The following C12orf42 variants were observed in gnomAD, a reference collection of about 807,000 sequenced individuals.
The protein encoded by C12orf42 is uncharacterized protein C12orf42.
In C12orf42, 25 loss-of-function variants were observed where a neutral mutation model predicts 21.6. The observed-to-expected ratio is 1.16, with a 90% CI of 0.84 to 1.62. The LOEUF is 1.62. Ranked by LOEUF, C12orf42 falls within the 40% of genes most tolerant of loss-of-function variation. The pLI, the probability that C12orf42 is intolerant of heterozygous loss-of-function variation, is 0.00. For synonymous variants in C12orf42, 174 were observed against 175.0 expected, an observed-to-expected ratio of 0.99 and a Z score of 0.05; for missense variants, 483 against 459.3, an observed-to-expected ratio of 1.05 and a Z score of -0.47.
intron 2 of C12orf42, among the ~76,000 whole-genome samples, chr12:103,412,611 T>C (rs192807100): frequency 5.3e-5 from 8 of 152,308 alleles, no homozygotes; most frequent in Non-Finnish European, 8.8e-5. Flanking sequence ...AGAGGTTGGC[T>C]TACTACAACT....
the C12orf42 span, among the ~76,000 whole-genome samples, chr12:103,082,499 T>C: frequency 1.3e-5 from 2 of 152,240 alleles, no homozygotes; most frequent in South Asian, 4.1e-4. Flanking sequence ...ATTCATATGC[T>C]CCTTGATTTA....
chr12:103,428,394 T>A (rs951426183), intron 2 of C12orf42, among the ~76,000 whole-genome samples: 1 of 152,092 alleles, frequency 6.6e-6, no homozygotes, highest in Non-Finnish European at 1.5e-5. Flanking sequence ...TCTGGACACA[T>A]ACACCCTCCC....
chr12:103,381,474 G>A (rs2046164510), intron 3 of C12orf42, among the ~76,000 whole-genome samples: 1 of 152,160 alleles, frequency 6.6e-6, no homozygotes. Flanking sequence ...GGAAAAGAAA[G>A]GGGAAAACAT....
chr12:103,329,150 C>A (rs565078744), intron 4 of C12orf42, among the ~76,000 whole-genome samples: 1 of 151,140 alleles, frequency 6.6e-6, no homozygotes, highest in Non-Finnish European at 1.5e-5. Context: ...ATGGCAGGGA[C>A]GCAGGCATGC....
At chr12:103,477,310 T>G (rs747312177) in intron 2 of C12orf42, among the ~76,000 whole-genome samples, 2 of 152,046 alleles carry the variant, frequency 1.3e-5, no homozygotes, top group Non-Finnish European at 1.5e-5. Flanking sequence ...TAAGAATCTC[T>G]CGGTGAAAGT....
upstream of C12orf42, among the ~76,000 whole-genome samples, chr12:103,500,635 C>T (rs1955695419): frequency 6.6e-6 from 1 of 152,226 alleles, no homozygotes; most frequent in Admixed American, 6.5e-5. Context: ...AGATGAGAAT[C>T]AGTGTCACTT....
chr12:103,189,506 A>G, the C12orf42 span, among the ~76,000 whole-genome samples: 1 of 152,210 alleles, frequency 6.6e-6, no homozygotes, highest in African/African-American at 2.4e-5. Flanking sequence ...GGACACAAAA[A>G]CAAGAAAAGA....
chr12:103,467,946 C>T (rs1241473362), intron 2 of C12orf42, among the ~76,000 whole-genome samples: 2 of 152,084 alleles, frequency 1.3e-5, no homozygotes, highest in Non-Finnish European at 2.9e-5. Context: ...AGAAAACAAC[C>T]AAGGAAAGCT....
chr12:103,215,853 GA>G, the C12orf42 span, among the ~76,000 whole-genome samples: 1 of 152,166 alleles, frequency 6.6e-6, no homozygotes, highest in Admixed American at 6.5e-5. Flanking sequence ...GGATGAGAAA[GA>G]AAAACCTGGG....
intron 10 of C12orf42, among the ~76,000 whole-genome samples, chr12:103,243,582 T>C (rs2033859648): frequency 6.6e-6 from 1 of 152,166 alleles, no homozygotes; most frequent in African/African-American, 2.4e-5. Context: ...GAAAGGCATA[T>C]TAATATTATA....
chr12:103,149,642 C>T, the C12orf42 span, among the ~76,000 whole-genome samples: 44,858 of 151,740 alleles, frequency 0.3, 6,979 homozygotes, highest in East Asian at 0.4. Context: ...GTTTTATAAG[C>T]ATCTGGCATT....
At chr12:103,220,814 G>A in the C12orf42 span, among the ~76,000 whole-genome samples, 1 of 152,218 alleles carries the variant, frequency 6.6e-6, no homozygotes, top group Non-Finnish European at 1.5e-5. Flanking sequence ...GAAGCCAAGG[G>A]CAGGAGAGAG....
chr12:103,105,029 G>T, the C12orf42 span, among the ~76,000 whole-genome samples: 1 of 152,160 alleles, frequency 6.6e-6, no homozygotes, highest in East Asian at 1.9e-4. Context: ...TTTCCACACT[G>T]CACTGGTATT....
the C12orf42 span, among the ~76,000 whole-genome samples, chr12:103,074,526 A>T: frequency 6.6e-6 from 1 of 152,158 alleles, no homozygotes; most frequent in African/African-American, 2.4e-5. Context: ...CATTGTGCAA[A>T]GATAGGGCAC....
intron 2 of C12orf42, among the ~76,000 whole-genome samples, chr12:103,430,818 A>G (rs953207404): frequency 3.9e-5 from 6 of 152,348 alleles, no homozygotes; most frequent in East Asian, 1.9e-4. Context: ...TTGCAGGGAC[A>G]TGGATGAAGC....
intron 2 of C12orf42, among the ~76,000 whole-genome samples, chr12:103,412,326 T>C (rs1253670473): frequency 6.6e-6 from 1 of 152,216 alleles, no homozygotes; most frequent in Non-Finnish European, 1.5e-5. Context: ...TAAATAATAT[T>C]GTGATATACA....
At chr12:103,160,268 T>C in the C12orf42 span, among the ~76,000 whole-genome samples, 2 of 152,176 alleles carry the variant, frequency 1.3e-5, no homozygotes, top group African/African-American at 2.4e-5. Context: ...GGGAGTTGCA[T>C]AGATTTAAAT....
chr12:103,524,853 A>G, the C12orf42 span, among the ~76,000 whole-genome samples: 2 of 151,312 alleles, frequency 1.3e-5, no homozygotes, highest in Non-Finnish European at 2.9e-5. Context: ...TCAGCATCAC[A>G]GGACCTGCAG....
At chr12:103,293,486 C>G (rs2036954209) in intron 4 of C12orf42, among the ~76,000 whole-genome samples, 1 of 152,112 alleles carries the variant, frequency 6.6e-6, no homozygotes, top group Admixed American at 6.6e-5. Context: ...CCCTTCAAAT[C>G]CTCCACACTC....
Sources: gnomAD v4.1 joint callset for allele counts (sites outside exome capture counted in the v4.1 genomes callset) on GRCh38, gnomAD v4.1.1 for gene constraint, MANE v1.5 for transcripts, NCBI Gene and HGNC (gene_info 2026-07-23, HGNC 2026-07-21) for gene names.